The following SIN3A variants were observed in gnomAD, a reference collection of about 807,000 sequenced individuals.
SIN3A encodes SIN3 transcription regulator family member A.
Under a neutral mutation model 146.1 loss-of-function variants are expected in SIN3A, and 14 were observed. The ratio of observed to expected loss-of-function variants is 0.10; its 90% confidence interval spans 0.06 to 0.15. SIN3A has a LOEUF of 0.15. SIN3A is among the 10% of genes least tolerant of loss of function. SIN3A has a pLI of 1.00. For missense variants in SIN3A, 1,028 were observed against 1,576.0 expected, an observed-to-expected ratio of 0.65 and a Z score of 5.89; for synonymous variants, 572 against 572.0, an observed-to-expected ratio of 1.00 and a Z score of 0.00.
At position 75,411,543 on chromosome 15, in the gene SIN3A, C is replaced by G; in HGVS notation, c.957G>C (p.Gln319His). 6.2e-7 allele frequency: 1 copy of G among 1,614,136 alleles called. No homozygotes were observed. Among genetic ancestry groups the G allele is most frequent in the Non-Finnish European group, 8.5e-7 (1 of 1,180,028 alleles). Reference sequence around the variant, plus strand: ...ATGCTTTGTAGATGTCTGGTTGGCCCTGAAATCTGTTCTTGATCTTATTAA... The same window carrying G: ...ATGCTTTGTAGATGTCTGGTTGGCCGTGAAATCTGTTCTTGATCTTATTAA... ...NYVNKIKNRF[Q>H]GQPDIYKAFL... is the part of the protein sequence containing the mutation. The change falls in exon 6 of 21, where the codon CAG becomes CAC. Residue 319 changes from glutamine to histidine, a missense_variant. By Grantham distance (24) the Gln-to-His change is conservative (BLOSUM62 0). This residue lies in a region of SIN3A where 14 missense variants were observed against 54.4 expected (regional missense o/e 0.26). Transcript: ENST00000394947.
At chr15:75,414,668 C>T (rs1047904834) in intron 3 of SIN3A, among the ~76,000 whole-genome samples, 1 of 152,172 alleles carries the variant, frequency 6.6e-6, no homozygotes. Context: ...TGTAGCCCCT[C>T]GTCTATAGAC....
At chr15:75,376,253 A>G (rs968149347) in intron 19 of SIN3A, 1 of 212,966 alleles carries the variant, frequency 4.7e-6, no homozygotes, top group African/African-American at 2.3e-5. Context: ...ACTGTCATGA[A>G]TATTTTTTCA....
At chr15:75,436,142 A>C (rs2074103990) in intron 1 of SIN3A, among the ~76,000 whole-genome samples, 3 of 151,584 alleles carry the variant, frequency 2.0e-5, no homozygotes, top group Non-Finnish European at 4.4e-5. Context: ...TCAAAAAAAA[A>C]ACAAAAAAAA....
At position 75,413,024 on chromosome 15, in the gene SIN3A, A is replaced by G; in HGVS notation, c.495T>C (p.Ile165=). The G allele has an allele frequency of 3.7e-6, 6 of 1,613,868 alleles. No individual in the cohort carries two copies. Among genetic ancestry groups the G allele is most frequent in the Non-Finnish European group, 5.1e-6 (6 of 1,179,876 alleles). ...CTTTGAATAGCTGGGACACACGACT[A>G]ATCACTCCTGGGGTGTCGATGCTGA... is the stretch of plus-strand genomic sequence containing the variant. ...KSQSIDTPGV[I]SRVSQLFKGH... Residue 165 remains isoleucine, a synonymous_variant, in exon 5 of 21, where the codon ATT becomes ATC. Coordinates refer to ENST00000394947, the MANE Select transcript of SIN3A (RefSeq NM_001145358.2).
chr15:75,454,354 C>T (rs1464315621), upstream of SIN3A, among the ~76,000 whole-genome samples: 1 of 152,102 alleles, frequency 6.6e-6, no homozygotes, highest in Non-Finnish European at 1.5e-5. Context: ...CGCCCCTCAG[C>T]TCCCCTGCAG....
chr15:75,380,880 T>C, intron 18 of SIN3A, 157 bp from the exon 19 acceptor site: 1 of 589,060 alleles, frequency 1.7e-6, no homozygotes, highest in East Asian at 2.9e-5. Flanking sequence ...TGTTAGTAGG[T>C]ATTGGAACAC....
chr15:75,454,675 A>C (rs1294394261), upstream of SIN3A, among the ~76,000 whole-genome samples: 4 of 150,426 alleles, frequency 2.7e-5, no homozygotes, highest in South Asian at 2.1e-4. Flanking sequence ...GTGGGCGCGC[A>C]CACGCCCGCG....
At chr15:75,429,347 CAA>C (rs1164820809) in intron 2 of SIN3A, among the ~76,000 whole-genome samples, 1 of 152,020 alleles carries the variant, frequency 6.6e-6, no homozygotes, top group African/African-American at 2.4e-5. Context: ...TGCTTGAGCC[CAA>C]GAGTTTGAGG....
intron 3 of SIN3A, among the ~76,000 whole-genome samples, chr15:75,417,706 C>A (rs887833355): frequency 1.3e-5 from 2 of 152,080 alleles, no homozygotes; most frequent in Admixed American, 6.6e-5. Flanking sequence ...TGATTTGTTG[C>A]AAAATGGAAC....
rs1253090766 is a variant in SIN3A at position 75,411,515 on chromosome 15, G to A, written c.985C>T (p.Leu329=). The change falls in exon 6 of 21, where the codon CTG becomes TTG. Residue 329 remains leucine, a synonymous_variant. Transcript: ENST00000394947. Reference sequence around the variant, plus strand: ...ACCTGATATGTGTGCAAAATCTCCAGGAATGCTTTGTAGATGTCTGGTTGG... The same window carrying A: ...ACCTGATATGTGTGCAAAATCTCCAAGAATGCTTTGTAGATGTCTGGTTGG... ...QGQPDIYKAF[L]EILHTYQKEQ... 6.2e-7 allele frequency: 1 copy of A among 1,613,918 alleles called. No homozygotes were observed. The highest frequency in any genetic ancestry group is 8.5e-7 in the Non-Finnish European group (1 of 1,179,966).
chr15:75,426,337 T>C lies in SIN3A; in HGVS notation c.190-3514A>G, dbSNP rs575315810. ...AAGAGTGACACCTAAGGAATCACCATTTCCTACTTCAGCTGCATTTCCTCT... is the reference window on the plus strand; with the variant it reads ...AAGAGTGACACCTAAGGAATCACCACTTCCTACTTCAGCTGCATTTCCTCT... On this transcript the variant is annotated intron_variant, in intron 2 of 20. Transcript: ENST00000394947. 2.0e-5 allele frequency among the ~76,000 whole-genome samples: 3 copies of C among 152,330 alleles called. No individual in the cohort carries two copies. The South Asian group carries it at 6.2e-4, about 32-fold the overall frequency.
chr15:75,433,571 T>C (rs559285130), intron 1 of SIN3A, among the ~76,000 whole-genome samples: 3 of 152,150 alleles, frequency 2.0e-5, no homozygotes, highest in Non-Finnish European at 4.4e-5. Context: ...TTACCACTCA[T>C]AGGCCGGGCG....
At chr15:75,455,248 T>C (rs894206959), upstream of SIN3A, among the ~76,000 whole-genome samples, 4 of 151,926 alleles carry the variant, frequency 2.6e-5, no homozygotes, top group African/African-American at 9.7e-5. Flanking sequence ...GCTCGCTAAC[T>C]CCAGCTCTCG....
At chr15:75,420,173 A>G (rs1364826281) in intron 3 of SIN3A, 1 of 152,154 alleles carries the variant, frequency 6.6e-6, no homozygotes, top group Non-Finnish European at 1.5e-5. Context: ...TTGTTGGGAG[A>G]GAAAAACACA....
intron 3 of SIN3A, among the ~76,000 whole-genome samples, chr15:75,416,727 C>T (rs2073744283): frequency 6.6e-6 from 1 of 152,230 alleles, no homozygotes; most frequent in Non-Finnish European, 1.5e-5. Context: ...TCCCCACCTT[C>T]ACAGACCTAA....
intron 1 of SIN3A, among the ~76,000 whole-genome samples, chr15:75,437,148 A>G (rs1309596922): frequency 6.6e-6 from 1 of 150,964 alleles, no homozygotes; most frequent in Admixed American, 6.6e-5. Context: ...TCCTCGCAAC[A>G]ATCCTGTCAG....
chr15:75,450,796 G>C (rs572272477), intron 1 of SIN3A, among the ~76,000 whole-genome samples: 41 of 152,262 alleles, frequency 2.7e-4, no homozygotes, highest in African/African-American at 7.7e-4. Flanking sequence ...TCTAGGCGCC[G>C]AGACTCCCAG....
intron 1 of SIN3A, among the ~76,000 whole-genome samples, chr15:75,432,914 C>T (rs1292653924): frequency 6.6e-6 from 1 of 151,954 alleles, no homozygotes; most frequent in African/African-American, 2.4e-5. Flanking sequence ...TGATGGCACG[C>T]ATCTGTAATC....
intron 16 of SIN3A, among the ~76,000 whole-genome samples, chr15:75,385,959 A>G (rs2073068059): frequency 6.6e-6 from 1 of 152,222 alleles, no homozygotes; most frequent in Non-Finnish European, 1.5e-5. Context: ...TTAGGAGAAA[A>G]AAGAAAAGGT....
Sources: allele counts gnomAD v4.1 joint callset (sites outside exome capture counted in the v4.1 genomes callset), GRCh38; gene constraint gnomAD v4.1.1; regional missense constraint gnomAD v4.1.1; transcripts MANE v1.5; gene names NCBI Gene and HGNC (gene_info 2026-07-23, HGNC 2026-07-21).